Variants in ADGRF5 observed in about 807,000 individuals in gnomAD.
ADGRF5 encodes the protein G-protein coupled receptor 116.
Under a neutral mutation model 132.3 loss-of-function variants are expected in ADGRF5, and 75 were observed. The ratio of observed to expected loss-of-function variants is 0.57; its 90% CI spans 0.47 to 0.69. The LOEUF is 0.69. Ranked by LOEUF, ADGRF5 falls within the 30% of genes least tolerant of loss-of-function variation. The probability of loss-of-function intolerance (pLI) is 0.00; values close to 1 mark genes in which losing one functional copy is unlikely to be tolerated. For missense variants in ADGRF5, 1,516 were observed against 1,630.6 expected (o/e 0.93, Z 1.21); for synonymous variants, 629 against 597.6 (o/e 1.05, Z -0.77).
At chr6:46,876,991 TA>T (rs1476973208) in intron 10 of ADGRF5, among the ~76,000 whole-genome samples, 1 of 152,374 alleles carries the variant, frequency 6.6e-6, no homozygotes, top group African/African-American at 2.4e-5. Flanking sequence ...ATTTCATGGG[TA>T]AAGCCACATT....
At chr6:46,882,010 A>C (rs750059551) in intron 7 of ADGRF5, 39 bp downstream of exon 7, 2 of 1,417,446 alleles carry the variant, frequency 1.4e-6, no homozygotes, top group East Asian at 4.6e-5. Flanking sequence ...TATGGATCCC[A>C]GCCATAAATT....
chr6:46,945,644 G>A (rs1274734258), intron 1 of ADGRF5, among the ~76,000 whole-genome samples: 1 of 152,226 alleles, frequency 6.6e-6, no homozygotes, highest in African/African-American at 2.4e-5. Flanking sequence ...CAGGGATGGG[G>A]TGACCTGTGA....
At chr6:46,864,605 AC>A (rs1439127049) in intron 14 of ADGRF5, among the ~76,000 whole-genome samples, 6 of 151,002 alleles carry the variant, frequency 4.0e-5, no homozygotes, top group African/African-American at 1.5e-4. Context: ...GCTCACTGCA[AC>A]CTCCGCCTCC....
chr6:46,888,532 G>C (rs1470445179), intron 3 of ADGRF5, 27 bp from the exon 4 acceptor site: 5 of 1,536,770 alleles, frequency 3.3e-6, no homozygotes, highest in African/African-American at 1.3e-5. Flanking sequence ...TGAAGGCTGA[G>C]AGAACTTACC....
chr6:46,874,881 GT>G (rs1271834741), intron 10 of ADGRF5, among the ~76,000 whole-genome samples: 4 of 152,202 alleles, frequency 2.6e-5, no homozygotes, highest in Non-Finnish European at 5.9e-5. Flanking sequence ...GACATTTTTG[GT>G]TGTTGTAACT....
intron 3 of ADGRF5, among the ~76,000 whole-genome samples, chr6:46,893,899 A>T (rs942217727): frequency 6.6e-6 from 1 of 152,190 alleles, no homozygotes; most frequent in African/African-American, 2.4e-5. Context: ...TCTTACAGGG[A>T]CATTTCTGGA....
At chr6:46,893,986 G>A (rs963866234) in intron 3 of ADGRF5, among the ~76,000 whole-genome samples, 3 of 152,166 alleles carry the variant, frequency 2.0e-5, no homozygotes, top group Non-Finnish European at 2.9e-5. Context: ...ACTTTTGCCT[G>A]GAAACACTAA....
chr6:46,882,224 T>C, intron 6 of ADGRF5, 117 bp from the exon 7 acceptor site: 1 of 773,802 alleles, frequency 1.3e-6, no homozygotes, highest in Non-Finnish European at 2.3e-6. Flanking sequence ...AATTATCTTC[T>C]GTCTATTTTG....
At chr6:46,929,063 T>G (rs1163779689) in intron 1 of ADGRF5, among the ~76,000 whole-genome samples, 1 of 152,142 alleles carries the variant, frequency 6.6e-6, no homozygotes, top group Non-Finnish European at 1.5e-5. Context: ...TGCGGCACTA[T>G]TCACAATAGC....
At chr6:46,946,861 G>T (rs1244094963) in intron 1 of ADGRF5, among the ~76,000 whole-genome samples, 1 of 152,172 alleles carries the variant, frequency 6.6e-6, no homozygotes, top group African/African-American at 2.4e-5. Flanking sequence ...ACTGGGCTTC[G>T]CTAGTGCTTG....
chr6:46,869,943 A>G (rs1380745603), intron 11 of ADGRF5, among the ~76,000 whole-genome samples: 12 of 152,210 alleles, frequency 7.9e-5, no homozygotes. Context: ...AAAAATATTA[A>G]TAAGACTATT....
chr6:46,949,927 C>G (rs566793262), intron 1 of ADGRF5, among the ~76,000 whole-genome samples: 1 of 152,182 alleles, frequency 6.6e-6, no homozygotes, highest in Non-Finnish European at 1.5e-5. Flanking sequence ...GAAGTCCAGC[C>G]TACTCCATTG....
chr6:46,872,014 C>G lies in ADGRF5; in HGVS notation c.1241-1G>C, dbSNP rs1437098600. 6.3e-7 allele frequency: 1 copy of G among 1,578,490 alleles called. No homozygotes were observed. Among genetic ancestry groups the G allele is most frequent in the South Asian group, 1.1e-5 (1 of 87,156 alleles). ...GAATCTATGTCTGTCTCAGGGGTTC[C>G]TATAATGAGAAGCAAATTGTTGCCA... On this transcript the variant is annotated splice_acceptor_variant, in intron 10 of 20. Transcript: ENST00000283296. LOFTEE classifies it high-confidence loss of function.
Position 46,877,225 on chromosome 6 carries a change from CTCTTTCTTTCTTTCTTTCTTTCTTTCTT to C in ADGRF5, c.1240+949_1240+976del, listed in dbSNP as rs71536391. 2.3e-5 allele frequency among the ~76,000 whole-genome samples: 3 copies of C among 131,682 alleles called. No homozygotes were observed. The Admixed American group carries it at 2.4e-4, about 11-fold the overall frequency. 86.4% of individuals were successfully genotyped at this position (131,682 alleles called of 152,430 possible). On this transcript the variant is annotated intron_variant, in intron 10 of 20. Transcript: ENST00000283296. ...TTTGGTGAGTCCTAATTTATTTCCT[CTCTTTCTTTCTTTCTTTCTTTCTTTCTT>C]TCTTTCTTTCTTTCTTTCTTTCTTT...
intron 3 of ADGRF5, among the ~76,000 whole-genome samples, chr6:46,891,243 T>G (rs918229846): frequency 1.3e-5 from 2 of 152,244 alleles, no homozygotes; most frequent in African/African-American, 4.8e-5. Context: ...AATTTCCTGT[T>G]GACTTTCTGA....
At chr6:46,945,813 G>A (rs1158563492) in intron 1 of ADGRF5, among the ~76,000 whole-genome samples, 1 of 152,236 alleles carries the variant, frequency 6.6e-6, no homozygotes, top group African/African-American at 2.4e-5. Context: ...CATGGCTGGG[G>A]AGGCCTCACA....
chr6:46,929,914 G>A (rs1025466969), intron 1 of ADGRF5, among the ~76,000 whole-genome samples: 22 of 152,176 alleles, frequency 1.4e-4, no homozygotes, highest in Admixed American at 9.8e-4. Context: ...TCCACTTCCC[G>A]GGATCAAGCA....
At chr6:46,862,394 T>C (rs1581739304) in intron 15 of ADGRF5, among the ~76,000 whole-genome samples, 1 of 152,198 alleles carries the variant, frequency 6.6e-6, no homozygotes, top group Non-Finnish European at 1.5e-5. Context: ...AGAGGCAGGG[T>C]AGTTGCTTCT....
intron 1 of ADGRF5, among the ~76,000 whole-genome samples, chr6:46,934,982 C>A (rs1449470640): frequency 2.0e-5 from 3 of 150,926 alleles, no homozygotes; most frequent in African/African-American, 7.3e-5. Flanking sequence ...GGGATCACCA[C>A]CATATGGTGA....
Sources: gnomAD v4.1 joint callset for allele counts (sites outside exome capture counted in the v4.1 genomes callset) on GRCh38, gnomAD v4.1.1 for gene constraint, MANE v1.5 for transcripts, NCBI Gene and HGNC (gene_info 2026-07-23, HGNC 2026-07-21) for gene names.